Variants in CDH23 observed in about 807,000 individuals in gnomAD.
The protein encoded by CDH23 is cadherin-23.
Under a neutral mutation model 317.1 loss-of-function variants are expected in CDH23, and 189 were observed. The ratio of observed to expected loss-of-function variants is 0.60; its 90% CI spans 0.53 to 0.67. The LOEUF is 0.67. CDH23 is among the 30% of genes least tolerant of loss of function. The probability of loss-of-function intolerance (pLI) is 0.00; values close to 1 mark genes in which losing one functional copy is unlikely to be tolerated. For synonymous variants in CDH23, 1,839 were observed against 1,876.8 expected, an observed-to-expected ratio of 0.98 and a Z score of 0.52; for missense variants, 4,401 against 4,592.4, an observed-to-expected ratio of 0.96 and a Z score of 1.20.
chr10:71,640,510 G>C (rs1218916242), intron 11 of CDH23, among the ~76,000 whole-genome samples: 2 of 152,230 alleles, frequency 1.3e-5, no homozygotes, highest in African/African-American at 2.4e-5. Context: ...AGCACTTTGG[G>C]AGGCCGAGGC....
At chr10:71,568,981 T>C (rs961071918) in intron 7 of CDH23, among the ~76,000 whole-genome samples, 1 of 152,172 alleles carries the variant, frequency 6.6e-6, no homozygotes, top group Non-Finnish European at 1.5e-5. Flanking sequence ...AAAAGCCTGG[T>C]TATGGCAAAT....
Position 71,812,474 on chromosome 10 carries a change from C to A in CDH23, c.9381-6C>A, listed in dbSNP as rs1455967810. ...CCTCCCCACCCTTTTCCCTCCCCAA[C>A]TGCAGAGCCAACCCTGTGTGGCTGG... On this transcript the variant is annotated splice_region_variant and splice_polypyrimidine_tract_variant and intron_variant, in intron 66 of 69. Transcript: ENST00000224721. The A allele has an allele frequency of 7.2e-7, 1 of 1,388,954 alleles. No individual in the cohort carries two copies. Among genetic ancestry groups the A allele is most frequent in the South Asian group, 1.1e-5 (1 of 88,204 alleles). 86.0% of individuals were successfully genotyped at this position (1,388,954 alleles called of 1,614,324 possible).
intron 1 of CDH23, among the ~76,000 whole-genome samples, chr10:71,412,371 G>A (rs571238460): frequency 1.3e-5 from 2 of 152,260 alleles, no homozygotes; most frequent in South Asian, 4.1e-4. Flanking sequence ...TTAATTTTTT[G>A]AGGAACTGCC....
chr10:71,635,696 G>C (rs1205390322), intron 11 of CDH23, among the ~76,000 whole-genome samples: 4 of 151,870 alleles, frequency 2.6e-5, no homozygotes, highest in Admixed American at 1.3e-4. Context: ...AGGGCAAGAA[G>C]GGGGGAGGAA....
chr10:71,578,631 G>A (rs930256637), intron 9 of CDH23, among the ~76,000 whole-genome samples: 5 of 152,218 alleles, frequency 3.3e-5, no homozygotes, highest in East Asian at 1.9e-4. Flanking sequence ...AGCTCTGTTC[G>A]GCTGTCCCAG....
At chr10:71,797,278 C>T (rs1054400165) in intron 49 of CDH23, 58 bp downstream of exon 49, 4 of 1,238,052 alleles carry the variant, frequency 3.2e-6, no homozygotes, top group Non-Finnish European at 4.7e-6. Context: ...GGGCAGGGGG[C>T]AGGTGGGGAA....
In CDH23 at chr10:71,813,019, G is replaced by A. The variant is rs536922554; in HGVS notation, c.9633+129G>A. The A allele has an allele frequency of 4.9e-4, 704 of 1,437,122 alleles. 3 individuals carry two copies. The highest frequency in any genetic ancestry group is 1.2e-3 in the Admixed American group (57 of 49,498). The allele number at this position is 1,437,122 out of a possible 1,614,324, so 89.0% of individuals were successfully genotyped here. ...CCTCCACTGGGGCGAGAACACCAGG[G>A]CTGATGGGGGGCTACTCCAGCCTGC... On this transcript the variant is annotated intron_variant, in intron 68 of 69. Transcript: ENST00000224721.
rs2132519616 is a variant in CDH23 at position 71,617,206 on chromosome 10, G to A, written c.947G>A (p.Gly316Asp). 2 of 1,612,590 alleles carry A rather than the reference G, an allele frequency of 1.2e-6. No homozygotes were observed. Among genetic ancestry groups the A allele is most frequent in the Non-Finnish European group, 1.7e-6 (2 of 1,178,762 alleles). The stretch of plus-strand genomic sequence containing the variant: ...GGGGTGACTGATCTCTGTCCATAGG[G>A]CACGGAGCTGAACGATGACCGCACC... ...YSHGFILTVKGTELNDDRTPS... is the reference protein window; with the variant it reads ...YSHGFILTVKDTELNDDRTPS... Residue 316 changes from glycine to aspartate, a missense_variant and splice_region_variant, in exon 11 of 70, where the codon GGC becomes GAC. Around this residue, in one of 3 missense-constraint regions of CDH23, gnomAD observed 3,068 missense variants for 3,203.3 expected, o/e 0.96. Transcript: ENST00000224721.
chr10:71,635,756 A>T (rs1195432256), intron 11 of CDH23, among the ~76,000 whole-genome samples: 1 of 151,872 alleles, frequency 6.6e-6, no homozygotes, highest in Non-Finnish European at 1.5e-5. Context: ...GAGAGAGAGA[A>T]GAGAGGCTTA....
intron 22 of CDH23, among the ~76,000 whole-genome samples, chr10:71,698,678 T>C (rs946317063): frequency 6.6e-6 from 1 of 152,240 alleles, no homozygotes; most frequent in Non-Finnish European, 1.5e-5. Flanking sequence ...CTGTTTCATC[T>C]GTCCCAGCTT....
At chr10:71,572,218 G>C (rs1404365955) in intron 8 of CDH23, among the ~76,000 whole-genome samples, 1 of 152,200 alleles carries the variant, frequency 6.6e-6, no homozygotes, top group Non-Finnish European at 1.5e-5. Flanking sequence ...CCCTGCTTTT[G>C]AGACTGAAGG....
intron 41 of CDH23, among the ~76,000 whole-genome samples, chr10:71,782,626 C>G (rs1840987098): frequency 6.6e-6 from 1 of 152,328 alleles, no homozygotes. Flanking sequence ...AGCCCCCAGC[C>G]CCTCAGGCCT....
intron 30 of CDH23, 125 bp from the exon 31 acceptor site, chr10:71,730,344 C>A (rs199717566): frequency 2.4e-6 from 3 of 1,269,568 alleles, no homozygotes; most frequent in Non-Finnish European, 3.2e-6. Flanking sequence ...GCCTGGGGTC[C>A]TAGAGGGAGC....
chr10:71,689,587 G>A (rs1336358274), intron 19 of CDH23, among the ~76,000 whole-genome samples: 5 of 152,174 alleles, frequency 3.3e-5, no homozygotes, highest in Non-Finnish European at 7.4e-5. Context: ...CTTGCCCCTC[G>A]GGACTGCTGA....
intron 38 of CDH23, among the ~76,000 whole-genome samples, chr10:71,759,820 T>TACAC (rs1289055534): frequency 0.014 from 1,234 of 85,386 alleles, 165 homozygotes; most frequent in African/African-American, 0.045. Flanking sequence ...TCAGAAAATA[T>TACAC]ACACACACAC....
In CDH23 at chr10:71,778,194, C is replaced by T; in HGVS notation, c.5073C>T (p.Val1691=). 6.2e-7 allele frequency: 1 copy of T among 1,613,884 alleles called. No homozygotes were observed. Among genetic ancestry groups the T allele is most frequent in the African/African-American group, 1.3e-5 (1 of 74,990 alleles). ...CCCTTCCCTGTGTCCCCCAGGGTGT[C>T]ATCACTGCTGCCAAAGAGCTGGACT... ...NTFRIDRHMG[V]ITAAKELDYE... Residue 1691 remains valine (V), a synonymous_variant, in exon 40 of 70, where the codon GTC becomes GTT. Coordinates refer to ENST00000224721, the MANE Select transcript of CDH23 (RefSeq NM_022124.6).
At chr10:71,760,754 G>C (rs41305045) in intron 38 of CDH23, 10 of 930,324 alleles carry the variant, frequency 1.1e-5, no homozygotes, top group Admixed American at 7.1e-5. Flanking sequence ...GAGGAGGACC[G>C]GGGGGTTCTG....
At chr10:71,495,648 CACA>C in intron 3 of CDH23, among the ~76,000 whole-genome samples, 1 of 151,434 alleles carries the variant, frequency 6.6e-6, no homozygotes, top group Middle Eastern at 3.4e-3. Context: ...GCCTGGGCAA[CACA>C]ACAAGACCTC....
intron 2 of CDH23, among the ~76,000 whole-genome samples, chr10:71,443,677 G>T (rs1850010385): frequency 6.6e-6 from 1 of 152,232 alleles, no homozygotes. Flanking sequence ...ACAGAGAGAG[G>T]GGTCCTGCAC....
Sources: gnomAD v4.1 joint callset for allele counts (sites outside exome capture counted in the v4.1 genomes callset) on GRCh38, gnomAD v4.1.1 for gene constraint, gnomAD v4.1.1 regional missense constraint, MANE v1.5 for transcripts, NCBI Gene and HGNC (gene_info 2026-07-23, HGNC 2026-07-21) for gene names.